The following RADIL variants were observed in gnomAD, a reference collection of about 807,000 sequenced individuals.
The protein encoded by RADIL is Rap associating with DIL domain, also known as ras-associating and dilute domain-containing protein.
RADIL carries 99 observed loss-of-function variants against 97.6 expected under a neutral mutation model. The observed-to-expected ratio is 1.01, with a 90% CI of 0.86 to 1.20. The LOEUF is 1.20. RADIL is among the 50% of genes most tolerant of loss of function. The pLI, the probability that RADIL is intolerant of heterozygous loss-of-function variation, is 0.00. For missense variants in RADIL, 1,765 were observed against 1,498.9 expected (o/e 1.18, Z -2.93); for synonymous variants, 803 against 691.8 (o/e 1.16, Z -2.52).
intron 2 of RADIL, among the ~76,000 whole-genome samples, chr7:4,869,360 C>T (rs1212555278): frequency 1.3e-5 from 2 of 152,304 alleles, no homozygotes; most frequent in African/African-American, 4.8e-5. Flanking sequence ...GCTCCAACTC[C>T]TGGCCCAACT....
rs536210038 is a variant in RADIL, at chr7:4,826,648, G to A, written c.1455-4094C>T. 1.1e-3 allele frequency among the ~76,000 whole-genome samples: 169 copies of A among 151,158 alleles called. 1 individual carries two copies. The highest frequency in any genetic ancestry group is 3.6e-3 in the African/African-American group (148 of 41,142). ...CTCTGGAGGCTGAGGCATGAGAATC[G>A]CTTGAACCCAGGAGGCGGAGGTTGC... is the stretch of plus-strand genomic sequence containing the variant. On this transcript the variant is annotated intron_variant, in intron 5 of 14. Transcript: ENST00000399583.
Position 4,815,354 on chromosome 7 carries a change from G to T in RADIL, c.2063C>A (p.Ala688Glu). The change falls in exon 9 of 15, where the codon GCG becomes GAG. Residue 688 changes from alanine to glutamate, a missense_variant. By Grantham distance (107) the Ala-to-Glu change is moderately radical. Transcript: ENST00000399583. This position sits in a 1 kb window ranked among gnomAD's most constrained non-coding sequence, Gnocchi z 8.0. Reference sequence around the variant, plus strand: ...CTTCTGGAAGAAGTGCTCTCCAGCCGCCCCGAAGCCGGCGCTCCGCATCCA... The same window carrying T: ...CTTCTGGAAGAAGTGCTCTCCAGCCTCCCCGAAGCCGGCGCTCCGCATCCA... The part of the protein sequence containing the change: ...LEWMRSAGFG[A>E]AGEHFFQKLS... 1.3e-6 allele frequency: 2 copies of T among 1,557,926 alleles called. No individual in the cohort carries two copies. Among genetic ancestry groups the T allele is most frequent in the South Asian group, 1.2e-5 (1 of 84,598 alleles).
chr7:4,862,114 C>T, intron 2 of RADIL: 1 of 333,310 alleles, frequency 3.0e-6, no homozygotes, highest in Non-Finnish European at 5.4e-6. Flanking sequence ...GGGCTCCTAC[C>T]GCTGCGCGGG....
intron 4 of RADIL, 54 bp from the exon 5 acceptor site, chr7:4,832,232 G>A: frequency 3.9e-6 from 6 of 1,541,832 alleles, no homozygotes; most frequent in Non-Finnish European, 5.3e-6. Flanking sequence ...CTAACACAGG[G>A]ACGCGTTCAA....
chr7:4,836,616 A>G lies in RADIL; in HGVS notation c.536-11T>C, dbSNP rs773602675. On this transcript the variant is annotated splice_polypyrimidine_tract_variant and intron_variant, in intron 2 of 14. Coordinates refer to ENST00000399583, the MANE Select transcript of RADIL (RefSeq NM_018059.5). ...CCTGGGCGTTTATCCCTGGAACAGAAGCAACACAAGGTGAACAGTTAGAAG... is the reference window on the plus strand; with the variant it reads ...CCTGGGCGTTTATCCCTGGAACAGAGGCAACACAAGGTGAACAGTTAGAAG... The G allele has an allele frequency of 1.2e-6, 2 of 1,605,556 alleles. No individual in the cohort carries two copies. Among genetic ancestry groups the G allele is most frequent in the Non-Finnish European group, 1.7e-6 (2 of 1,179,642 alleles).
intron 5 of RADIL, among the ~76,000 whole-genome samples, chr7:4,825,898 A>AG (rs1782962026): frequency 6.7e-6 from 1 of 148,272 alleles, no homozygotes; most frequent in East Asian, 2.0e-4. Flanking sequence ...AAAAAAAAAA[A>AG]AAAAAAAAAA....
rs752418151 is a variant in RADIL, at chr7:4,801,902, G to A, written c.2593C>T (p.Pro865Ser). 12 of 1,574,760 alleles carry A rather than the reference G, an allele frequency of 7.6e-6. No individual in the cohort carries two copies. The East Asian group carries it at 1.1e-4, about 15-fold the overall frequency. The change falls in exon 12 of 15, where the codon CCG becomes TCG. Residue 865 changes from proline to serine, a missense_variant. Transcript: ENST00000399583. ...DPGPAAREVAPERTLPLRGAP... is the reference protein window; with the variant it reads ...DPGPAAREVASERTLPLRGAP... ...CCCCTCAAGGGAAGAGTACGCTCCG[G>A]GGCCACTTCCCGGGCTGCTGGGCCA...
At position 4,867,233 on chromosome 7, in the gene RADIL, C is replaced by A. The variant is rs1784150604; in HGVS notation, c.535+10372G>T. Among the ~76,000 whole-genome samples, 1 of 152,148 alleles carries A rather than the reference C, an allele frequency of 6.6e-6. No individual in the cohort carries two copies. The highest frequency in any genetic ancestry group is 6.5e-5 in the Admixed American group (1 of 15,282). ...ACGAGGCTTCTGAGGAAGCTGCTGT[C>A]CAGCCATGCTCACCAGGAAATGACA... is the stretch of plus-strand genomic sequence containing the variant. On this transcript the variant is annotated intron_variant, in intron 2 of 14. Transcript: ENST00000399583. The surrounding 1 kb of genome is among the most constrained non-coding windows in gnomAD (Gnocchi z 4.1).
intron 2 of RADIL, among the ~76,000 whole-genome samples, chr7:4,874,221 T>C (rs1562460092): frequency 6.6e-6 from 1 of 152,224 alleles, no homozygotes; most frequent in African/African-American, 2.4e-5. Context: ...TGTGGACATT[T>C]CTCTGTCCAG....
Position 4,815,746 on chromosome 7 carries a change from G to A in RADIL, c.1967-296C>T, listed in dbSNP as rs371700025. Among the ~76,000 whole-genome samples the A allele has an allele frequency of 6.8e-6, 1 of 148,090 alleles. No individual in the cohort carries two copies. The highest frequency in any genetic ancestry group is 6.6e-5 in the Admixed American group (1 of 15,186). On this transcript the variant is annotated intron_variant, in intron 8 of 14. Coordinates refer to ENST00000399583, the MANE Select transcript of RADIL (RefSeq NM_018059.5). The surrounding 1 kb of genome is among the most constrained non-coding windows in gnomAD (Gnocchi z 8.0). ...TCTCCCACTCCCAGACACATGTGCC[G>A]GGGGCCTGCCCCCACCTGGGTCTCC...
intron 13 of RADIL, 73 bp downstream of exon 13, chr7:4,800,098 C>T (rs1464353388): frequency 2.0e-5 from 30 of 1,518,320 alleles, no homozygotes; most frequent in African/African-American, 7.0e-5. Context: ...ACGCAAGCTG[C>T]GGCCAGGCTT....
intron 2 of RADIL, among the ~76,000 whole-genome samples, chr7:4,853,286 T>G (rs951893172): frequency 2.0e-5 from 3 of 152,206 alleles, no homozygotes; most frequent in African/African-American, 7.2e-5. Flanking sequence ...AAGAGATATT[T>G]GCAGATATGT....
chr7:4,869,426 C>T (rs370536585), intron 2 of RADIL, among the ~76,000 whole-genome samples: 22 of 152,318 alleles, frequency 1.4e-4, no homozygotes, highest in South Asian at 8.3e-4. Context: ...AGCCACAATG[C>T]CCAACCACTT....
rs1337816294 is a variant in RADIL, at chr7:4,849,126, G to C, written c.536-12521C>G. ...GCACTCCAGCCTGGGCAACAAGAGG[G>C]AAATTCTGTCTCAAAAAAAAAAAAA... is the stretch of plus-strand genomic sequence containing the variant. On this transcript the variant is annotated intron_variant, in intron 2 of 14. Coordinates refer to ENST00000399583, the MANE Select transcript of RADIL (RefSeq NM_018059.5). The surrounding 1 kb of genome is among the most constrained non-coding windows in gnomAD (Gnocchi z 5.4). Among the ~76,000 whole-genome samples, 1 of 133,674 alleles carries C rather than the reference G, an allele frequency of 7.5e-6. No homozygotes were observed. Among genetic ancestry groups the C allele is most frequent in the South Asian group, 2.6e-4 (1 of 3,884 alleles). The allele number at this position is 133,674 out of a possible 152,430, so 87.7% of individuals were successfully genotyped here. A position where few individuals can be genotyped will look rare whatever the true frequency, so the allele number is the denominator to read the frequency against.
intron 5 of RADIL, among the ~76,000 whole-genome samples, chr7:4,830,368 G>A (rs1281825925): frequency 6.6e-6 from 1 of 151,622 alleles, no homozygotes; most frequent in East Asian, 1.9e-4. Context: ...CTGCACGTCT[G>A]TATCAGATCA....
chr7:4,830,610 G>A (rs1303719868), intron 5 of RADIL, among the ~76,000 whole-genome samples: 1 of 152,198 alleles, frequency 6.6e-6, no homozygotes, highest in Non-Finnish European at 1.5e-5. Context: ...AGGCACAGTG[G>A]CTCACGCTTG....
chr7:4,799,505 G>A (rs759459175), intron 14 of RADIL, 22 bp from the exon 15 acceptor site: 16 of 1,613,650 alleles, frequency 9.9e-6, no homozygotes, highest in Non-Finnish European at 1.4e-5. Context: ...GCCAGAGGTG[G>A]GGGTGGGCAG....
chr7:4,835,265 A>C lies in RADIL; in HGVS notation c.784-26T>G. ...CTGAAACAGAGACTCCGCTCAGGGC[A>C]GGCGTAACGCGAGCAGCACACGGGA... On this transcript the variant is annotated intron_variant, in intron 3 of 14. Coordinates refer to ENST00000399583, the MANE Select transcript of RADIL (RefSeq NM_018059.5). The surrounding 1 kb of genome is among the most constrained non-coding windows in gnomAD (Gnocchi z 5.8). 6.2e-7 allele frequency: 1 copy of C among 1,602,186 alleles called. No homozygotes were observed. Among genetic ancestry groups the C allele is most frequent in the Non-Finnish European group, 8.5e-7 (1 of 1,178,946 alleles).
Position 4,879,448 on chromosome 7 carries a change from C to T in RADIL, c.-64-1245G>A, listed in dbSNP as rs1385474143. Among the ~76,000 whole-genome samples, 2 of 152,214 alleles carry T rather than the reference C, an allele frequency of 1.3e-5. No individual in the cohort carries two copies. Among genetic ancestry groups the T allele is most frequent in the African/African-American group, 2.4e-5 (1 of 41,452 alleles). On this transcript the variant is annotated intron_variant, in intron 1 of 14. Coordinates refer to ENST00000399583, the MANE Select transcript of RADIL (RefSeq NM_018059.5). The surrounding 1 kb of genome is among the most constrained non-coding windows in gnomAD (Gnocchi z 4.1). ...CACACATCTCCCCATTACTGTACCCCACTTCCGTGCTCATGTTCTCACCAA... is the reference window on the plus strand; with the variant it reads ...CACACATCTCCCCATTACTGTACCCTACTTCCGTGCTCATGTTCTCACCAA...
Sources: gnomAD v4.1 joint callset for allele counts (sites outside exome capture counted in the v4.1 genomes callset) on GRCh38, gnomAD v4.1.1 for gene constraint, Gnocchi (gnomAD v3.1) non-coding constraint, MANE v1.5 for transcripts, NCBI Gene and HGNC (gene_info 2026-07-23, HGNC 2026-07-21) for gene names.